The following AVEN variants were observed in gnomAD, a reference collection of about 807,000 sequenced individuals.
AVEN encodes the protein apoptosis and caspase activation inhibitor.
In AVEN, 41 loss-of-function variants were observed where a neutral mutation model predicts 38.1. That is an observed-to-expected ratio of 1.08 (90% CI 0.84 to 1.40). The LOEUF is 1.40. Among genes scored for constraint, AVEN ranks in the 40% most tolerant of loss-of-function variants. AVEN has a pLI of 0.00. For missense variants in AVEN, 605 were observed against 438.8 expected, an observed-to-expected ratio of 1.38 and a Z score of -3.38; for synonymous variants, 206 against 171.8, an observed-to-expected ratio of 1.20 and a Z score of -1.56.
At chr15:33,983,172 A>ATGTGTGTG (rs1177287297) in intron 2 of AVEN, among the ~76,000 whole-genome samples, 1,588 of 93,388 alleles carry the variant, frequency 0.017, 44 homozygotes, top group African/African-American at 0.098. Flanking sequence ...GTGTGTGTGT[A>ATGTGTGTG]TATATACACA....
At chr15:34,047,170 C>T (rs925810909) in intron 5 of AVEN, among the ~76,000 whole-genome samples, 36 of 151,918 alleles carry the variant, frequency 2.4e-4, no homozygotes, top group African/African-American at 8.7e-4. Flanking sequence ...CTCCGCCTCC[C>T]GGGTTCACGC....
chr15:33,945,553 T>G (rs1195053002), intron 2 of AVEN, among the ~76,000 whole-genome samples: 2 of 152,182 alleles, frequency 1.3e-5, no homozygotes, highest in Admixed American at 1.3e-4. Context: ...TTCATGATTT[T>G]GTGGGTCTGC....
At chr15:33,928,675 A>T (rs1219786148) in intron 2 of AVEN, among the ~76,000 whole-genome samples, 1 of 152,152 alleles carries the variant, frequency 6.6e-6, no homozygotes, top group African/African-American at 2.4e-5. Flanking sequence ...TGCCACATGA[A>T]CCCAGAAGCT....
At chr15:33,931,082 C>T (rs1019758596) in intron 2 of AVEN, among the ~76,000 whole-genome samples, 3 of 151,800 alleles carry the variant, frequency 2.0e-5, no homozygotes, top group Non-Finnish European at 4.4e-5. Flanking sequence ...AATAATTAGA[C>T]GTTAGTACTT....
In AVEN at chr15:33,867,723, C is replaced by G; in HGVS notation, c.745G>C (p.Ala249Pro). 6.2e-7 allele frequency: 1 copy of G among 1,614,190 alleles called. No individual in the cohort carries two copies. Among genetic ancestry groups the G allele is most frequent in the Non-Finnish European group, 8.5e-7 (1 of 1,180,030 alleles). Residue 249 changes from alanine (A) to proline (P), a missense_variant, in exon 5 of 6, where the codon GCT (alanine) becomes CCT (proline). Ala to Pro is a conservative substitution (Grantham distance 27). Coordinates refer to ENST00000306730, the MANE Select transcript of AVEN (RefSeq NM_020371.3). ...TTGCCCAGCAACACAGGGCAGCCAG[C>G]AGCCACAGATTTCAGCTCAAAGATG... The part of the protein sequence containing the change: ...GPIFELKSVA[A>P]GCPVLLGKDN...
At chr15:34,030,369 G>A (rs547711498) in intron 1 of AVEN, among the ~76,000 whole-genome samples, 49 of 152,186 alleles carry the variant, frequency 3.2e-4, no homozygotes, top group African/African-American at 1.0e-3. Flanking sequence ...TGTTTGAGAC[G>A]GAGTCTTGCT....
At chr15:34,033,383 G>A (rs1898954102) in intron 1 of AVEN, among the ~76,000 whole-genome samples, 1 of 152,016 alleles carries the variant, frequency 6.6e-6, no homozygotes, top group Non-Finnish European at 1.5e-5. Flanking sequence ...GTGTGCACCT[G>A]TAGTCCCAGC....
At chr15:33,936,380 G>A (rs1894060359) in intron 2 of AVEN, among the ~76,000 whole-genome samples, 1 of 152,096 alleles carries the variant, frequency 6.6e-6, no homozygotes, top group African/African-American at 2.4e-5. Flanking sequence ...TAATTGATAA[G>A]CAATCCTTGC....
chr15:34,027,379 A>C (rs1415440294), intron 1 of AVEN, among the ~76,000 whole-genome samples: 5 of 152,050 alleles, frequency 3.3e-5, no homozygotes, highest in African/African-American at 4.8e-5. Context: ...AAAATAAAAA[A>C]ACAGCCAGGC....
intron 1 of AVEN, among the ~76,000 whole-genome samples, chr15:34,073,983 C>CTTTTTT (rs1567498505): frequency 8.2e-4 from 17 of 20,814 alleles, no homozygotes; most frequent in African/African-American, 2.0e-3. Context: ...CTTTTTTCTT[C>CTTTTTT]TTCTTCTTTT....
intron 2 of AVEN, among the ~76,000 whole-genome samples, chr15:33,999,440 T>C (rs1897056204): frequency 6.6e-6 from 1 of 152,156 alleles, no homozygotes; most frequent in Non-Finnish European, 1.5e-5. Flanking sequence ...CAGCCATTTA[T>C]TAAGGAATTC....
intron 2 of AVEN, among the ~76,000 whole-genome samples, chr15:33,971,302 TA>T (rs1202699503): frequency 6.6e-6 from 1 of 152,062 alleles, no homozygotes; most frequent in Non-Finnish European, 1.5e-5. Flanking sequence ...ATAAAAGTAT[TA>T]TATTGTAAAA....
At chr15:33,989,286 C>T (rs544082334) in intron 2 of AVEN, among the ~76,000 whole-genome samples, 1 of 152,222 alleles carries the variant, frequency 6.6e-6, no homozygotes, top group Non-Finnish European at 1.5e-5. Context: ...ATATGACCCA[C>T]AGTATATTCT....
chr15:33,866,260 T>C lies in AVEN; in HGVS notation c.*353A>G, dbSNP rs1009023802. 9.9e-5 allele frequency: 22 copies of C among 222,540 alleles called. No homozygotes were observed. The highest frequency in any genetic ancestry group is 1.7e-4 in the Non-Finnish European group (19 of 112,936). 13.8% of individuals were successfully genotyped at this position (222,540 alleles called of 1,614,324 possible). A position where few individuals can be genotyped will look rare whatever the true frequency, so the allele number is the denominator to read the frequency against. On this transcript the variant is annotated 3_prime_UTR_variant, in exon 6 of 6. Transcript: ENST00000306730. Reference sequence around the variant, plus strand: ...CCAGCATTTGTTTATTTTGGCCAAATGCATGCCTTGTTTGCATCTATTCTC... The same window carrying C: ...CCAGCATTTGTTTATTTTGGCCAAACGCATGCCTTGTTTGCATCTATTCTC...
chr15:33,917,372 G>GTGTGTC (rs1485266544), intron 2 of AVEN, among the ~76,000 whole-genome samples: 1 of 41,694 alleles, frequency 2.4e-5, no homozygotes, highest in Non-Finnish European at 4.3e-5. Context: ...GTGTGTGTGT[G>GTGTGTC]TGTATACACA....
chr15:34,019,486 G>C (rs1218715426), intron 1 of AVEN, among the ~76,000 whole-genome samples: 1 of 152,174 alleles, frequency 6.6e-6, no homozygotes, highest in Non-Finnish European at 1.5e-5. Context: ...TGTTTATAAA[G>C]TCTATAGTAG....
chr15:33,857,580 C>T (rs1367422459), downstream of AVEN, among the ~76,000 whole-genome samples: 2 of 152,152 alleles, frequency 1.3e-5, no homozygotes, highest in Admixed American at 6.5e-5. Context: ...TGCCAGGAAG[C>T]CCGCTTCTCT....
intron 2 of AVEN, among the ~76,000 whole-genome samples, chr15:33,956,241 C>G (rs749230536): frequency 4.6e-5 from 7 of 152,308 alleles, no homozygotes; most frequent in Non-Finnish European, 1.0e-4. Context: ...CTGTCCTGCT[C>G]TAATGTGCTG....
At chr15:33,986,086 C>T (rs1013478460) in intron 2 of AVEN, among the ~76,000 whole-genome samples, 3 of 123,702 alleles carry the variant, frequency 2.4e-5, no homozygotes, top group African/African-American at 8.7e-5. Flanking sequence ...TCACATTTCA[C>T]TGTAAATTTT....
Sources: allele counts gnomAD v4.1 joint callset (sites outside exome capture counted in the v4.1 genomes callset), GRCh38; gene constraint gnomAD v4.1.1; transcripts MANE v1.5; gene names NCBI Gene and HGNC (gene_info 2026-07-23, HGNC 2026-07-21).